Variants in FARS2 observed in about 807,000 individuals in gnomAD.
FARS2 encodes the protein phenylalanine--tRNA ligase, mitochondrial.
Under a neutral mutation model 46.4 loss-of-function variants are expected in FARS2, and 40 were observed. That is an observed-to-expected ratio of 0.86 (90% CI 0.67 to 1.12). The LOEUF (loss-of-function observed/expected upper bound fraction) is 1.12, where lower values mean the gene tolerates loss of function less well. FARS2 is among the 50% of genes most tolerant of loss of function. FARS2 has a pLI of 0.00. For missense variants in FARS2, 513 were observed against 567.9 expected (o/e 0.90, Z 0.98); for synonymous variants, 234 against 214.9 (o/e 1.09, Z -0.78).
intron 1 of FARS2, among the ~76,000 whole-genome samples, chr6:5,330,406 C>T (rs1459232109): frequency 6.6e-6 from 1 of 152,068 alleles, no homozygotes; most frequent in African/African-American, 2.4e-5. Context: ...TCATTTGGCT[C>T]AGTGTTATGT....
intron 6 of FARS2, among the ~76,000 whole-genome samples, chr6:5,709,764 G>A (rs949630871): frequency 6.6e-5 from 10 of 151,866 alleles, no homozygotes; most frequent in African/African-American, 2.4e-4. Context: ...GCGTGTGTGT[G>A]TGTGAGATTC....
At chr6:5,726,898 G>C (rs78460616) in intron 6 of FARS2, among the ~76,000 whole-genome samples, 2,308 of 152,354 alleles carry the variant, frequency 0.015, 53 homozygotes, top group African/African-American at 0.052. Context: ...TCCAGGGTGA[G>C]CTTCCCGGGT....
chr6:5,380,205 T>C (rs1759664835), intron 2 of FARS2, among the ~76,000 whole-genome samples: 1 of 152,232 alleles, frequency 6.6e-6, no homozygotes, highest in South Asian at 2.1e-4. Context: ...CTTGTGCTCC[T>C]GAACCAATAA....
intron 4 of FARS2, among the ~76,000 whole-genome samples, chr6:5,495,331 T>C (rs1317875743): frequency 6.6e-6 from 1 of 152,258 alleles, no homozygotes; most frequent in Non-Finnish European, 1.5e-5. Context: ...GTCGTAATTC[T>C]CAAACTTTAT....
At chr6:5,730,150 A>G (rs1760526701) in intron 6 of FARS2, among the ~76,000 whole-genome samples, 1 of 152,228 alleles carries the variant, frequency 6.6e-6, no homozygotes, top group African/African-American at 2.4e-5. Context: ...TTATTCACCT[A>G]TCTGCTTACC....
chr6:5,454,305 C>T (rs1241833586), intron 4 of FARS2, among the ~76,000 whole-genome samples: 1 of 151,366 alleles, frequency 6.6e-6, no homozygotes, highest in African/African-American at 2.4e-5. Flanking sequence ...ACTGTTTGTA[C>T]TGTTCTGAAA....
intron 1 of FARS2, among the ~76,000 whole-genome samples, chr6:5,336,532 GTAGGTGTTTA>G (rs1771171202): frequency 6.6e-6 from 1 of 151,870 alleles, no homozygotes; most frequent in Non-Finnish European, 1.5e-5. Context: ...TGGGTACATA[GTAGGTGTTTA>G]TATTTATGGG....
chr6:5,640,880 G>A (rs929868153), intron 6 of FARS2, among the ~76,000 whole-genome samples: 3 of 152,136 alleles, frequency 2.0e-5, no homozygotes, highest in Admixed American at 6.5e-5. Flanking sequence ...GGGTCAAATG[G>A]AATTCATATC....
At chr6:5,456,509 G>A (rs1156808475) in intron 4 of FARS2, among the ~76,000 whole-genome samples, 3 of 151,876 alleles carry the variant, frequency 2.0e-5, no homozygotes, top group Non-Finnish European at 2.9e-5. Context: ...CGAGGCAGGC[G>A]GATCACGAGG....
chr6:5,601,315 A>G (rs61526984), intron 5 of FARS2, among the ~76,000 whole-genome samples: 41,532 of 151,498 alleles, frequency 0.27, 6,346 homozygotes, highest in African/African-American at 0.41. Flanking sequence ...CAAGGTCGGG[A>G]GTTCGAGACC....
chr6:5,467,950 T>A (rs1765603360), intron 4 of FARS2, among the ~76,000 whole-genome samples: 1 of 152,202 alleles, frequency 6.6e-6, no homozygotes, highest in African/African-American at 2.4e-5. Context: ...CAGAATGTCA[T>A]TAAATAGAAT....
At chr6:5,398,029 T>C (rs531995974) in intron 2 of FARS2, among the ~76,000 whole-genome samples, 2 of 152,324 alleles carry the variant, frequency 1.3e-5, no homozygotes, top group African/African-American at 4.8e-5. Context: ...AGTTCTATCA[T>C]GAAGAACGTG....
rs553845348 is a variant in FARS2 at position 5,453,065 on chromosome 6, T to A, written c.904+21893T>A. Among the ~76,000 whole-genome samples the A allele has an allele frequency of 1.2e-4, 19 of 152,306 alleles. No homozygotes were observed. The South Asian group carries it at 2.3e-3, about 18-fold the overall frequency. Reference sequence around the variant, plus strand: ...TAACTGAGGATTAATTGCCTTGGTTTGGAAAACTCCACTACTGAAGTTTGC... The same window carrying A: ...TAACTGAGGATTAATTGCCTTGGTTAGGAAAACTCCACTACTGAAGTTTGC... On this transcript the variant is annotated intron_variant, in intron 4 of 6. Coordinates refer to ENST00000274680, the MANE Select transcript of FARS2 (RefSeq NM_006567.5).
rs58875741 is a variant in FARS2 at position 5,717,351 on chromosome 6, ATGTGTGTGTGTGTGTGTG to A, written c.1218-53918_1218-53901del. Among the ~76,000 whole-genome samples, 11 of 141,738 alleles carry A rather than the reference ATGTGTGTGTGTGTGTGTG, an allele frequency of 7.8e-5. No individual in the cohort carries two copies. The East Asian group carries it at 1.9e-3, about 24-fold the overall frequency. 93.0% of individuals were successfully genotyped at this position (141,738 alleles called of 152,430 possible). A position where few individuals can be genotyped will look rare whatever the true frequency, so the allele number is the denominator to read the frequency against. On this transcript the variant is annotated intron_variant, in intron 6 of 6. Coordinates refer to ENST00000274680, the MANE Select transcript of FARS2 (RefSeq NM_006567.5). ...CGTGGATAGAAACATAGATATGTAT[ATGTGTGTGTGTGTGTGTG>A]TGTGTGTGTGTGTGTGTGTGTCTAT... is the stretch of plus-strand genomic sequence containing the variant.
At chr6:5,676,586 A>G (rs1392825855) in intron 6 of FARS2, among the ~76,000 whole-genome samples, 2 of 152,234 alleles carry the variant, frequency 1.3e-5, no homozygotes, top group African/African-American at 4.8e-5. Flanking sequence ...CATGCCTTAT[A>G]ATCATATATT....
At chr6:5,383,009 C>T (rs1210259538) in intron 2 of FARS2, among the ~76,000 whole-genome samples, 2 of 152,172 alleles carry the variant, frequency 1.3e-5, no homozygotes, top group South Asian at 2.1e-4. Context: ...ATGCTTTACT[C>T]GCTTTGCCTG....
chr6:5,663,140 C>T (rs923527677), intron 6 of FARS2, among the ~76,000 whole-genome samples: 4 of 152,014 alleles, frequency 2.6e-5, no homozygotes, highest in African/African-American at 9.7e-5. Flanking sequence ...ATATGGTTCA[C>T]AGTAATAAGA....
intron 4 of FARS2, among the ~76,000 whole-genome samples, chr6:5,518,723 G>A (rs1210056397): frequency 2.6e-5 from 4 of 151,892 alleles, no homozygotes; most frequent in African/African-American, 9.7e-5. Context: ...TGTGAGTGTT[G>A]GCATCATGCA....
At chr6:5,603,281 A>G (rs1237727496) in intron 5 of FARS2, among the ~76,000 whole-genome samples, 1 of 152,134 alleles carries the variant, frequency 6.6e-6, no homozygotes. Flanking sequence ...TTTTTTTGTT[A>G]AAATGGTTTT....
Sources: gnomAD v4.1 joint callset for allele counts (sites outside exome capture counted in the v4.1 genomes callset) on GRCh38, gnomAD v4.1.1 for gene constraint, MANE v1.5 for transcripts, NCBI Gene and HGNC (gene_info 2026-07-23, HGNC 2026-07-21) for gene names.